The following SIPA1L1 variants were observed in gnomAD, a reference collection of about 807,000 sequenced individuals.
SIPA1L1 encodes signal-induced proliferation-associated 1-like protein 1.
A neutral mutation model predicts 162.7 loss-of-function variants in SIPA1L1; 26 were observed. That is an observed-to-expected ratio of 0.16 (90% CI 0.12 to 0.22). The LOEUF (loss-of-function observed/expected upper bound fraction) is 0.22, where lower values mean the gene tolerates loss of function less well. Among genes scored for constraint, SIPA1L1 ranks in the 10% least tolerant of loss-of-function variants. The probability of loss-of-function intolerance (pLI) is 1.00; values close to 1 mark genes in which losing one functional copy is unlikely to be tolerated. For missense variants in SIPA1L1, 1,874 were observed against 2,241.0 expected, an observed-to-expected ratio of 0.84 and a Z score of 3.31; for synonymous variants, 829 against 837.4, an observed-to-expected ratio of 0.99 and a Z score of 0.17.
chr14:71,505,260 CTG>C (rs1163886805), intron 2 of SIPA1L1, among the ~76,000 whole-genome samples: 1 of 152,132 alleles, frequency 6.6e-6, no homozygotes, highest in Non-Finnish European at 1.5e-5. Flanking sequence ...AAGCAGTTCT[CTG>C]TGTAAGATCT....
intron 17 of SIPA1L1, among the ~76,000 whole-genome samples, chr14:71,719,780 C>G (rs1472813697): frequency 6.6e-6 from 1 of 152,238 alleles, no homozygotes; most frequent in Non-Finnish European, 1.5e-5. Flanking sequence ...ACATGAGACA[C>G]TGCACCTGGC....
At chr14:71,527,297 A>C (rs1357945696) in intron 3 of SIPA1L1, among the ~76,000 whole-genome samples, 1 of 151,930 alleles carries the variant, frequency 6.6e-6, no homozygotes, top group Non-Finnish European at 1.5e-5. Context: ...ATAGGCGCAC[A>C]CCACCATGCC....
chr14:71,422,941 A>G (rs2043295279), intron 2 of SIPA1L1, among the ~76,000 whole-genome samples: 1 of 152,150 alleles, frequency 6.6e-6, no homozygotes, highest in South Asian at 2.1e-4. Flanking sequence ...TTACATTCCT[A>G]CCAACAGTGC....
chr14:71,530,732 C>A (rs989249560), intron 4 of SIPA1L1, among the ~76,000 whole-genome samples: 2 of 152,176 alleles, frequency 1.3e-5, no homozygotes, highest in Non-Finnish European at 2.9e-5. Context: ...CTTTCTTAAT[C>A]CCCAAGAAGC....
At chr14:71,370,049 A>G (rs2038731491) in intron 2 of SIPA1L1, among the ~76,000 whole-genome samples, 1 of 132,716 alleles carries the variant, frequency 7.5e-6, no homozygotes, top group Non-Finnish European at 1.6e-5. Flanking sequence ...TTATCAGCTT[A>G]AGGAGATTTT....
chr14:71,655,854 A>C (rs1160962138), intron 8 of SIPA1L1, among the ~76,000 whole-genome samples: 1 of 151,982 alleles, frequency 6.6e-6, no homozygotes, highest in Non-Finnish European at 1.5e-5. Flanking sequence ...AGTTTCTTAG[A>C]GATTCTGGAT....
intron 17 of SIPA1L1, among the ~76,000 whole-genome samples, chr14:71,722,343 A>T (rs1488646007): frequency 1.3e-5 from 2 of 152,222 alleles, no homozygotes; most frequent in Non-Finnish European, 2.9e-5. Context: ...CCCCAAGTCA[A>T]TATTGATACA....
At chr14:71,366,462 G>A (rs1201344660) in intron 2 of SIPA1L1, among the ~76,000 whole-genome samples, 2 of 152,070 alleles carry the variant, frequency 1.3e-5, no homozygotes, top group Non-Finnish European at 2.9e-5. Context: ...TTTTGAGATG[G>A]AGCTCGCTCT....
intron 16 of SIPA1L1, among the ~76,000 whole-genome samples, chr14:71,705,605 A>ATGTGGAAATGTGAAATGT (rs2082381451): frequency 6.6e-6 from 1 of 152,040 alleles, no homozygotes; most frequent in East Asian, 2.0e-4. Context: ...CTGAAATGTT[A>ATGTGGAAATGTGAAATGT]GGAGTGGAAA....
At chr14:71,448,214 C>T (rs372894808) in intron 2 of SIPA1L1, among the ~76,000 whole-genome samples, 1 of 152,082 alleles carries the variant, frequency 6.6e-6, no homozygotes, top group Non-Finnish European at 1.5e-5. Context: ...TTTTTTCCTA[C>T]GCTTCCATCG....
intron 4 of SIPA1L1, among the ~76,000 whole-genome samples, chr14:71,585,788 G>C (rs1372241723): frequency 6.6e-6 from 1 of 152,206 alleles, no homozygotes; most frequent in Non-Finnish European, 1.5e-5. Flanking sequence ...TTTATGCTAT[G>C]TAGAGTATTC....
At chr14:71,670,412 T>C (rs1460623478) in intron 10 of SIPA1L1, among the ~76,000 whole-genome samples, 1 of 152,168 alleles carries the variant, frequency 6.6e-6, no homozygotes, top group Non-Finnish European at 1.5e-5. Context: ...TTCTTAGAAA[T>C]AGATTATCAG....
At position 71,636,252 on chromosome 14, in the gene SIPA1L1, T is replaced by C. The variant is rs187402425; in HGVS notation, c.1818+12016T>C. Among the ~76,000 whole-genome samples, 484 of 152,354 alleles carry C rather than the reference T, an allele frequency of 3.2e-3. 6 individuals are homozygous for C. Among genetic ancestry groups the C allele is most frequent in the Non-Finnish European group, 2.3e-3 (156 of 68,040 alleles). ...CTCACAACAGCAGAATACATGTTCT[T>C]TTCAGTTGCACATGGAATGTATGCC... On this transcript the variant is annotated intron_variant, in intron 7 of 23. Transcript: ENST00000381232.
chr14:71,494,523 CTTTTTTTTTTT>C (rs201797447), intron 2 of SIPA1L1, among the ~76,000 whole-genome samples: 2 of 126,736 alleles, frequency 1.6e-5, no homozygotes, highest in South Asian at 2.5e-4. Context: ...CTTTTCTTTT[CTTTTTTTTTTT>C]TTTTTTGAGA....
At chr14:71,476,152 A>G (rs76118260) in intron 2 of SIPA1L1, among the ~76,000 whole-genome samples, 2,374 of 152,342 alleles carry the variant, frequency 0.016, 57 homozygotes, top group African/African-American at 0.054. Context: ...TTCAAGTTTT[A>G]AAACAAACTG....
intron 2 of SIPA1L1, among the ~76,000 whole-genome samples, chr14:71,478,190 G>T (rs1023663410): frequency 1.3e-5 from 2 of 152,046 alleles, no homozygotes; most frequent in Admixed American, 1.3e-4. Flanking sequence ...TCTGTTCAAG[G>T]TTTTAAATAA....
At chr14:71,700,994 C>CAAAAAAAAAAAAAAAAA (rs539293669) in intron 14 of SIPA1L1, among the ~76,000 whole-genome samples, 4 of 51,736 alleles carry the variant, frequency 7.7e-5, no homozygotes, top group Admixed American at 6.8e-4. Context: ...GACTCCGTCT[C>CAAAAAAAAAAAAAAAAA]AAAAAAAAAA....
chr14:71,621,535 CCA>C lies in SIPA1L1; in HGVS notation c.1630-2510_1630-2509del, dbSNP rs558489889. ...TCTCCATTTGGCCTTTACTCAGAAACCACAGAGGCCTTCCTTGACCGCTGAAT... is the reference window on the plus strand; with the variant it reads ...TCTCCATTTGGCCTTTACTCAGAAACCAGAGGCCTTCCTTGACCGCTGAAT... On this transcript the variant is annotated intron_variant, in intron 6 of 23. Coordinates refer to ENST00000381232, the MANE Select transcript of SIPA1L1 (RefSeq NM_001386936.1). 2.6e-5 allele frequency among the ~76,000 whole-genome samples: 4 copies of C among 152,324 alleles called. No homozygotes were observed. In the South Asian group the frequency reaches 8.3e-4, roughly 32 times the overall value.
In SIPA1L1 at chr14:71,446,692, T is replaced by G. The variant is rs183840503; in HGVS notation, c.-464-66051T>G. 3.5e-3 allele frequency among the ~76,000 whole-genome samples: 533 copies of G among 152,246 alleles called. 8 individuals carry two copies. The highest frequency in any genetic ancestry group is 4.9e-3 in the Non-Finnish European group (332 of 68,012). On this transcript the variant is annotated intron_variant, in intron 2 of 23. Coordinates refer to ENST00000381232, the MANE Select transcript of SIPA1L1 (RefSeq NM_001386936.1). The stretch of plus-strand genomic sequence containing the variant: ...CATTTTTATATAAATGCTTGATTGT[T>G]TTCTTAGGATAATTATCTAGGATAA...
Sources: allele counts gnomAD v4.1 joint callset (sites outside exome capture counted in the v4.1 genomes callset), GRCh38; gene constraint gnomAD v4.1.1; transcripts MANE v1.5; gene names NCBI Gene and HGNC (gene_info 2026-07-23, HGNC 2026-07-21).